The following KIAA1586 variants were observed in gnomAD, a reference collection of about 807,000 sequenced individuals.
KIAA1586 encodes E3 SUMO-protein ligase KIAA1586.
Under a neutral mutation model 6.1 loss-of-function variants are expected in KIAA1586, and 5 were observed. The observed-to-expected ratio is 0.82, with a 90% CI of 0.43 to 1.73. The LOEUF is 1.73. Ranked by LOEUF, KIAA1586 falls within the 40% of genes most tolerant of loss-of-function variation. KIAA1586 has a pLI of 0.02. For missense variants in KIAA1586, 899 were observed against 878.2 expected, an observed-to-expected ratio of 1.02 and a Z score of -0.30; for synonymous variants, 280 against 301.7, an observed-to-expected ratio of 0.93 and a Z score of 0.75.
chr6:57,053,902 A>T lies in KIAA1586; in HGVS notation c.1403A>T (p.Glu468Val). ...QTKLLGTVAK[E>V]LETEIIKIGR... is the part of the protein sequence containing the mutation. ...AAGCTTCTAGGAACTGTAGCTAAAG[A>T]ACTTGAAACTGAAATTATTAAAATT... is the stretch of plus-strand genomic sequence containing the variant. The change falls in exon 4 of 4, where the codon GAA (glutamate) becomes GTA (valine). Residue 468 changes from glutamate to valine, a missense_variant. Glu to Val is a moderately radical substitution (Grantham distance 121). Transcript: ENST00000370733. The T allele has an allele frequency of 6.3e-7, 1 of 1,581,118 alleles. No homozygotes were observed.
At position 57,053,842 on chromosome 6, in the gene KIAA1586, A is replaced by T; in HGVS notation, c.1343A>T (p.Tyr448Phe). The change falls in exon 4 of 4, where the codon TAT becomes TTT. Residue 448 changes from tyrosine to phenylalanine, a missense_variant. Tyr to Phe is a conservative substitution (Grantham distance 22). Coordinates refer to ENST00000370733, the MANE Select transcript of KIAA1586 (RefSeq NM_020931.4). ...TTAAAAATATTTATTGATAAAATTT[A>T]TTCTATTTATCATCAACCTAATAAA... Reference protein sequence around the residue: ...NHLKIFIDKIYSIYHQPNKNQ... With the variant: ...NHLKIFIDKIFSIYHQPNKNQ... 2.6e-6 allele frequency: 4 copies of T among 1,510,104 alleles called. No homozygotes were observed. Among genetic ancestry groups the T allele is most frequent in the Non-Finnish European group, 3.6e-6 (4 of 1,120,466 alleles). 93.5% of individuals were successfully genotyped at this position (1,510,104 alleles called of 1,614,324 possible). A position where few individuals can be genotyped will look rare whatever the true frequency, so the allele number is the denominator to read the frequency against.
In KIAA1586 at chr6:57,052,844, C is replaced by G. The variant is rs370634563; in HGVS notation, c.345C>G (p.Ile115Met). ...EPHFEYIEQP[I>M]IEEKPSLSSK... ...ATTTCGAGTATATTGAACAACCAAT[C>G]ATTGAAGAAAAGCCATCACTTTCAT... Residue 115 changes from isoleucine to methionine, a missense_variant, in exon 4 of 4, where the codon ATC becomes ATG. Coordinates refer to ENST00000370733, the MANE Select transcript of KIAA1586 (RefSeq NM_020931.4). The G allele has an allele frequency of 3.1e-6, 5 of 1,613,238 alleles. No homozygotes were observed. Among genetic ancestry groups the G allele is most frequent in the South Asian group, 2.2e-5 (2 of 90,922 alleles).
chr6:57,066,454 A>G, the KIAA1586 span, among the ~76,000 whole-genome samples: 3 of 152,088 alleles, frequency 2.0e-5, no homozygotes, highest in Non-Finnish European at 4.4e-5. Flanking sequence ...ACTGGGAGTC[A>G]TTGGGTAGAA....
chr6:57,057,826 CAG>C (rs1828519864), downstream of KIAA1586, among the ~76,000 whole-genome samples: 3 of 152,020 alleles, frequency 2.0e-5, no homozygotes, highest in African/African-American at 7.3e-5. Flanking sequence ...TTTTTTGAGA[CAG>C]GGTCTTGCTT....
chr6:57,056,940 A>C (rs1156351502), downstream of KIAA1586, among the ~76,000 whole-genome samples: 3 of 151,926 alleles, frequency 2.0e-5, no homozygotes, highest in Non-Finnish European at 4.4e-5. Flanking sequence ...TAAAAATTAC[A>C]AGGCCTTGCT....
downstream of KIAA1586, among the ~76,000 whole-genome samples, chr6:57,059,507 C>T (rs1828537803): frequency 6.7e-6 from 1 of 150,048 alleles, no homozygotes; most frequent in Non-Finnish European, 1.5e-5. Flanking sequence ...AGGAGAATGG[C>T]GTGAACCCGG....
At chr6:57,062,635 G>A in the KIAA1586 span, among the ~76,000 whole-genome samples, 1 of 152,154 alleles carries the variant, frequency 6.6e-6, no homozygotes, top group African/African-American at 2.4e-5. Context: ...ATATATCCCA[G>A]TCACTCCTTA....
At chr6:57,057,229 GA>G (rs796588929), downstream of KIAA1586, among the ~76,000 whole-genome samples, 80 of 131,130 alleles carry the variant, frequency 6.1e-4, no homozygotes, top group East Asian at 6.6e-4. Context: ...CTTTGTCTCA[GA>G]AAAAAAAAAA....
chr6:57,049,920 A>T (rs192742022), intron 2 of KIAA1586, among the ~76,000 whole-genome samples: 101 of 152,292 alleles, frequency 6.6e-4, no homozygotes, highest in Admixed American at 6.5e-3. Context: ...GATGTGGAGG[A>T]TAAAGCAGGG....
Position 57,053,851 on chromosome 6 carries a change from A to G in KIAA1586, c.1352A>G (p.Tyr451Cys), listed in dbSNP as rs771338975. 11 of 1,533,774 alleles carry G rather than the reference A, an allele frequency of 7.2e-6. No individual in the cohort carries two copies. The highest frequency in any genetic ancestry group is 9.7e-6 in the Non-Finnish European group (11 of 1,134,310). ...KIFIDKIYSI[Y>C]HQPNKNQTKL... ...TTTATTGATAAAATTTATTCTATTT[A>G]TCATCAACCTAATAAAAATCAAACC... is the stretch of plus-strand genomic sequence containing the variant. The change falls in exon 4 of 4, where the codon TAT becomes TGT. Residue 451 changes from tyrosine (Y) to cysteine (C), a missense_variant. Transcript: ENST00000370733.
chr6:57,057,155 G>T (rs1422068353), downstream of KIAA1586, among the ~76,000 whole-genome samples: 2 of 151,758 alleles, frequency 1.3e-5, no homozygotes, highest in Non-Finnish European at 2.9e-5. Context: ...TTGAACACAG[G>T]AGGCGGAGGT....
intron 2 of KIAA1586, among the ~76,000 whole-genome samples, chr6:57,048,606 G>T (rs1442122778): frequency 6.6e-6 from 1 of 152,102 alleles, no homozygotes; most frequent in East Asian, 1.9e-4. Flanking sequence ...AAAGAGCAAT[G>T]GTTTCTGTTT....
chr6:57,061,138 C>G, the KIAA1586 span, among the ~76,000 whole-genome samples: 1 of 151,718 alleles, frequency 6.6e-6, no homozygotes, highest in Non-Finnish European at 1.5e-5. Flanking sequence ...CCACCATGCC[C>G]AGCTAATTTT....
the KIAA1586 span, among the ~76,000 whole-genome samples, chr6:57,061,212 G>A: frequency 2.6e-5 from 4 of 151,734 alleles, no homozygotes; most frequent in South Asian, 2.1e-4. Flanking sequence ...TCCTGACCTC[G>A]TGATCTGCCC....
Position 57,053,419 on chromosome 6 carries a change from T to G in KIAA1586, c.920T>G (p.Ile307Ser). ...ATGAAGATGAAGATATTTAAGAATA[T>G]TATAGAAGAGAATGCCAAAATCTGT... ...KEMKMKIFKN[I>S]IEENAKICII... Residue 307 changes from isoleucine to serine, a missense_variant, in exon 4 of 4, where the codon ATT becomes AGT. Coordinates refer to ENST00000370733, the MANE Select transcript of KIAA1586 (RefSeq NM_020931.4). The G allele has an allele frequency of 1.2e-6, 2 of 1,609,950 alleles. No homozygotes were observed. The highest frequency in any genetic ancestry group is 1.7e-6 in the Non-Finnish European group (2 of 1,177,876).
rs533117630 is a variant in KIAA1586 at position 57,046,853 on chromosome 6, T to C, written c.21+77T>C. 121 of 1,556,132 alleles carry C rather than the reference T, an allele frequency of 7.8e-5. 1 individual carries two copies. The South Asian group carries it at 1.3e-3, about 16-fold the overall frequency. On this transcript the variant is annotated intron_variant, in intron 1 of 3. Transcript: ENST00000370733. ...TTTGTGTTTTCTGCGGTCTGAGGCC[T>C]GGTGCTCCGTCGCAGCCTCGGGGCG... is the stretch of plus-strand genomic sequence containing the variant.
At position 57,053,630 on chromosome 6, in the gene KIAA1586, T is replaced by A; in HGVS notation, c.1131T>A (p.Asn377Lys). The A allele has an allele frequency of 1.2e-6, 2 of 1,611,742 alleles. No individual in the cohort carries two copies. The highest frequency in any genetic ancestry group is 1.7e-6 in the Non-Finnish European group (2 of 1,178,304). The change falls in exon 4 of 4, where the codon AAT becomes AAA. Residue 377 changes from asparagine to lysine, a missense_variant. Physicochemically the swap from Asn to Lys is moderately conservative, Grantham distance 94. Transcript: ENST00000370733. Reference protein sequence around the residue: ...LTTLNDCGFTNEYLKANLIAF... With the variant: ...LTTLNDCGFTKEYLKANLIAF... The stretch of plus-strand genomic sequence containing the variant: ...CTTTAAATGATTGTGGTTTTACAAA[T>A]GAATATTTGAAAGCAAATTTAATTG...
In KIAA1586 at chr6:57,054,816, A is replaced by G. The variant is rs750093460; in HGVS notation, c.2317A>G (p.Thr773Ala). The part of the protein sequence containing the change: ...ATDTRVRQKS[T>A]KVFHENQLAI... ...AGATACAAGAGTTCGGCAAAAGTCA[A>G]CAAAAGTCTTCCATGAGAATCAATT... Residue 773 changes from threonine (T) to alanine (A), a missense_variant, in exon 4 of 4, where the codon ACA becomes GCA. Physicochemically the swap from Thr to Ala is moderately conservative, Grantham distance 58. Transcript: ENST00000370733. The G allele has an allele frequency of 2.6e-6, 4 of 1,550,960 alleles. No individual in the cohort carries two copies. In the East Asian group the frequency reaches 9.8e-5, roughly 38 times the overall value.
chr6:57,055,005 C>A lies in KIAA1586; in HGVS notation c.*142C>A. On this transcript the variant is annotated 3_prime_UTR_variant, in exon 4 of 4. Coordinates refer to ENST00000370733, the MANE Select transcript of KIAA1586 (RefSeq NM_020931.4). Reference sequence around the variant, plus strand: ...AAAAGGCGTTCTTTAAGAAGATAATCTTGAAGATTGGTTTTAGAAGCTATA... The same window carrying A: ...AAAAGGCGTTCTTTAAGAAGATAATATTGAAGATTGGTTTTAGAAGCTATA... The A allele has an allele frequency of 1.0e-6, 1 of 993,654 alleles. No homozygotes were observed. Among genetic ancestry groups the A allele is most frequent in the Non-Finnish European group, 1.4e-6 (1 of 708,590 alleles). The allele number at this position is 993,654 out of a possible 1,614,324, so 61.6% of individuals were successfully genotyped here. A position where few individuals can be genotyped will look rare whatever the true frequency, so the allele number is the denominator to read the frequency against.
Sources: allele counts gnomAD v4.1 joint callset (sites outside exome capture counted in the v4.1 genomes callset), GRCh38; gene constraint gnomAD v4.1.1; transcripts MANE v1.5; gene names NCBI Gene and HGNC (gene_info 2026-07-23, HGNC 2026-07-21).